Variants in SAMD13 observed in about 807,000 individuals in gnomAD.
The protein encoded by SAMD13 is sterile alpha motif domain-containing protein 13.
A neutral mutation model predicts 12.4 loss-of-function variants in SAMD13; 9 were observed. The observed-to-expected ratio is 0.72, with a 90% confidence interval of 0.44 to 1.26. The LOEUF (loss-of-function observed/expected upper bound fraction) is 1.26, where lower values mean the gene tolerates loss of function less well. Among genes scored for constraint, SAMD13 ranks in the 50% most tolerant of loss-of-function variants. The probability of loss-of-function intolerance (pLI) is 0.00; values close to 1 mark genes in which losing one functional copy is unlikely to be tolerated. For missense variants in SAMD13, 84 were observed against 119.6 expected, an observed-to-expected ratio of 0.70 and a Z score of 1.39; for synonymous variants, 46 against 45.4, an observed-to-expected ratio of 1.01 and a Z score of -0.05.
At chr1:84,325,599 G>A in intron 2 of SAMD13, 38 bp from the exon 3 acceptor site, 2 of 1,256,414 alleles carry the variant, frequency 1.6e-6, no homozygotes, top group Non-Finnish European at 1.2e-6. Context: ...CCTTGTGCAG[G>A]CACTGCCATG....
chr1:84,335,917 G>C (rs887286482), intron 3 of SAMD13, among the ~76,000 whole-genome samples: 10 of 152,214 alleles, frequency 6.6e-5, no homozygotes, highest in African/African-American at 2.2e-4. Context: ...AAAGTCTGCT[G>C]TTAGCCTGAT....
intron 2 of SAMD13, among the ~76,000 whole-genome samples, chr1:84,320,798 G>A (rs991586559): frequency 2.0e-5 from 3 of 152,182 alleles, no homozygotes; most frequent in African/African-American, 7.2e-5. Flanking sequence ...ATCATAATAT[G>A]TTAACCAGTG....
At chr1:84,346,836 A>G (rs1679545469) in intron 3 of SAMD13, among the ~76,000 whole-genome samples, 2 of 152,212 alleles carry the variant, frequency 1.3e-5, no homozygotes, top group Non-Finnish European at 2.9e-5. Flanking sequence ...CTTTAATCTC[A>G]GTAAATTTTC....
Position 84,331,275 on chromosome 1 carries a change from A to G in SAMD13, c.165+5527A>G, listed in dbSNP as rs145564110. On this transcript the variant is annotated intron_variant, in intron 3 of 3. Transcript: ENST00000394834. ...GAGATTTCTAATTAGAACAGGGACA[A>G]ATCCAGGTTCTGTGGAGCCTAAAGT... 5.3e-3 allele frequency among the ~76,000 whole-genome samples: 789 copies of G among 148,370 alleles called. 10 individuals are homozygous for G. Among genetic ancestry groups the G allele is most frequent in the African/African-American group, 0.019 (772 of 40,404 alleles).
chr1:84,344,571 G>C, intron 3 of SAMD13: 1 of 244,148 alleles, frequency 4.1e-6, no homozygotes, highest in Non-Finnish European at 8.1e-6. Context: ...GTATTCAAAA[G>C]GGCTTGGTGT....
chr1:84,315,186 G>A (rs1034971392), intron 2 of SAMD13, among the ~76,000 whole-genome samples: 13 of 151,810 alleles, frequency 8.6e-5, no homozygotes, highest in Admixed American at 1.3e-4. Flanking sequence ...ACAGCATATC[G>A]CTAAAACGTA....
At chr1:84,306,367 A>G (rs756845238) in intron 2 of SAMD13, among the ~76,000 whole-genome samples, 1 of 152,140 alleles carries the variant, frequency 6.6e-6, no homozygotes, top group Non-Finnish European at 1.5e-5. Flanking sequence ...GTAGCTTTTT[A>G]GTAGATTACA....
intron 3 of SAMD13, among the ~76,000 whole-genome samples, chr1:84,344,453 C>T (rs997461409): frequency 2.0e-5 from 3 of 152,140 alleles, no homozygotes; most frequent in African/African-American, 7.2e-5. Context: ...ACTCCACCCA[C>T]AAGGAGCTGC....
At chr1:84,336,938 C>A (rs1372435518) in intron 3 of SAMD13, among the ~76,000 whole-genome samples, 1 of 152,162 alleles carries the variant, frequency 6.6e-6, no homozygotes, top group Non-Finnish European at 1.5e-5. Flanking sequence ...CTACAGGCCC[C>A]CAAGCAAGTT....
At chr1:84,349,560 C>G in intron 3 of SAMD13, 71 bp from the exon 4 acceptor site, 1 of 1,547,498 alleles carries the variant, frequency 6.5e-7, no homozygotes, top group Non-Finnish European at 8.7e-7. Context: ...TACCTCTGAA[C>G]TTCCTTTTGT....
intron 1 of SAMD13, 59 bp downstream of exon 1, chr1:84,301,860 A>T: frequency 8.2e-6 from 6 of 732,012 alleles, no homozygotes; most frequent in Non-Finnish European, 1.0e-5. Context: ...TAATAAGACA[A>T]TGTAGTGTGG....
chr1:84,349,703 C>T lies in SAMD13; in HGVS notation c.238C>T (p.Pro80Ser). The T allele has an allele frequency of 1.2e-6, 2 of 1,613,890 alleles. No individual in the cohort carries two copies. Among genetic ancestry groups the T allele is most frequent in the Non-Finnish European group, 1.7e-6 (2 of 1,179,858 alleles). ...VLTGLQLKLG[P>S]ALKIYEYHVK... ...GACAGGACTTCAGTTAAAATTGGGG[C>T]CTGCTCTGAAAATCTACGAATATCA... Residue 80 changes from proline to serine, a missense_variant, in exon 4 of 4, where the codon CCT (proline) becomes TCT (serine). Transcript: ENST00000394834.
chr1:84,317,809 G>A (rs976517438), intron 2 of SAMD13, among the ~76,000 whole-genome samples: 1 of 152,024 alleles, frequency 6.6e-6, no homozygotes, highest in Non-Finnish European at 1.5e-5. Context: ...TCTCCATGAA[G>A]CCATCTAATC....
At chr1:84,303,575 CA>C (rs2101785203) in intron 2 of SAMD13, 1 of 238,216 alleles carries the variant, frequency 4.2e-6, no homozygotes, top group Admixed American at 4.8e-5. Context: ...TATATTGAAA[CA>C]AAAACTCCAA....
chr1:84,348,174 G>A (rs1214041662), intron 3 of SAMD13, among the ~76,000 whole-genome samples: 1 of 152,152 alleles, frequency 6.6e-6, no homozygotes, highest in African/African-American at 2.4e-5. Context: ...TTGCAAGAGC[G>A]GTTTCTCACA....
chr1:84,316,206 A>G (rs951961115), intron 2 of SAMD13, among the ~76,000 whole-genome samples: 3 of 152,052 alleles, frequency 2.0e-5, no homozygotes, highest in Non-Finnish European at 2.9e-5. Flanking sequence ...CTGGCTGTAT[A>G]GAAGCTTTTT....
chr1:84,313,432 A>G (rs928539361), intron 2 of SAMD13, among the ~76,000 whole-genome samples: 3 of 152,160 alleles, frequency 2.0e-5, no homozygotes, highest in Non-Finnish European at 4.4e-5. Flanking sequence ...CCATGTATTT[A>G]AGATGTATGT....
intron 3 of SAMD13, chr1:84,345,410 T>C: frequency 2.8e-6 from 1 of 361,036 alleles, no homozygotes; most frequent in East Asian, 7.3e-5. Flanking sequence ...AGTTCAAACC[T>C]CTCATTTCAC....
intron 3 of SAMD13, among the ~76,000 whole-genome samples, chr1:84,328,837 T>G (rs1405810542): frequency 6.6e-6 from 1 of 152,090 alleles, no homozygotes; most frequent in Non-Finnish European, 1.5e-5. Flanking sequence ...TTAGAACAAC[T>G]GCCTCCTTAA....
Sources: gnomAD v4.1 joint callset for allele counts (sites outside exome capture counted in the v4.1 genomes callset) on GRCh38, gnomAD v4.1.1 for gene constraint, MANE v1.5 for transcripts, NCBI Gene and HGNC (gene_info 2026-07-23, HGNC 2026-07-21) for gene names.